C2orf80: variants seen among roughly 807,000 people sequenced by gnomAD.
C2orf80 encodes chromosome 2 open reading frame 80.
In C2orf80, 28 loss-of-function variants were observed where a neutral mutation model predicts 30.2. That is an observed-to-expected ratio of 0.93 (90% CI 0.69 to 1.27). The LOEUF (loss-of-function observed/expected upper bound fraction) is 1.27, where lower values mean the gene tolerates loss of function less well. Among genes scored for constraint, C2orf80 ranks in the 50% most tolerant of loss-of-function variants. The pLI, the probability that C2orf80 is intolerant of heterozygous loss-of-function variation, is 0.00. For synonymous variants in C2orf80, 80 were observed against 76.4 expected (o/e 1.05, Z -0.24); for missense variants, 220 against 231.0 (o/e 0.95, Z 0.31).
chr2:208,166,558 G>T (rs1461958513), intron 8 of C2orf80, among the ~76,000 whole-genome samples: 2 of 152,068 alleles, frequency 1.3e-5, no homozygotes, highest in African/African-American at 2.4e-5. Context: ...AATTTAAATT[G>T]TCCTCTCTCT....
intron 3 of C2orf80, among the ~76,000 whole-genome samples, chr2:208,183,524 A>G (rs1696625607): frequency 6.6e-6 from 1 of 152,168 alleles, no homozygotes; most frequent in Non-Finnish European, 1.5e-5. Context: ...TTCTGTGAGT[A>G]GAATGTCAGA....
At chr2:208,166,831 T>C (rs573993402) in intron 8 of C2orf80, among the ~76,000 whole-genome samples, 1 of 152,238 alleles carries the variant, frequency 6.6e-6, no homozygotes, top group Admixed American at 6.5e-5. Context: ...TTCTATTTTT[T>C]AGTAGAGATG....
chr2:208,173,340 C>G (rs1386486022), intron 6 of C2orf80, among the ~76,000 whole-genome samples: 2 of 152,000 alleles, frequency 1.3e-5, no homozygotes, highest in Admixed American at 1.3e-4. Flanking sequence ...TATAAAAACT[C>G]AAGGCTGGGT....
chr2:208,166,759 A>G (rs1229161041), intron 8 of C2orf80, among the ~76,000 whole-genome samples: 3 of 151,846 alleles, frequency 2.0e-5, no homozygotes, highest in East Asian at 3.9e-4. Flanking sequence ...GGTTCATGCC[A>G]TTCTCCTGCC....
chr2:208,175,995 C>T (rs1696280624), intron 6 of C2orf80, among the ~76,000 whole-genome samples: 1 of 152,096 alleles, frequency 6.6e-6, no homozygotes, highest in Non-Finnish European at 1.5e-5. Flanking sequence ...GGCTCTTAGA[C>T]TCTTGTATTG....
At chr2:208,178,664 A>G (rs1258759592) in intron 6 of C2orf80, among the ~76,000 whole-genome samples, 1 of 152,144 alleles carries the variant, frequency 6.6e-6, no homozygotes, top group East Asian at 1.9e-4. Context: ...CTGTAATCCC[A>G]GCATTAGGGG....
chr2:208,165,923 C>T, intron 8 of C2orf80, 108 bp from the exon 9 acceptor site: 2 of 680,698 alleles, frequency 2.9e-6, no homozygotes, highest in Non-Finnish European at 2.5e-6. Flanking sequence ...TACTAACTTA[C>T]TGACAAAGAT....
rs1310867857 is a variant in C2orf80 at position 208,165,813 on chromosome 2, G to A, written c.576C>T (p.Val192=). ...RFSDTQPKHK[V]T ...ATGGTACAATTCCAATTTTCTAAGT[G>A]ACCTGCAGAATAAAAGATGATTTTG... is the stretch of plus-strand genomic sequence containing the variant. The change falls in exon 9 of 9, where the codon GTC becomes GTT. Residue 192 remains valine, a splice_region_variant and synonymous_variant. Transcript: ENST00000341287. 18 of 1,608,646 alleles carry A rather than the reference G, an allele frequency of 1.1e-5. No homozygotes were observed. The highest frequency in any genetic ancestry group is 1.5e-5 in the Non-Finnish European group (18 of 1,177,236).
chr2:208,177,673 G>T (rs1020092208), intron 6 of C2orf80, among the ~76,000 whole-genome samples: 1 of 152,056 alleles, frequency 6.6e-6, no homozygotes, highest in Non-Finnish European at 1.5e-5. Context: ...TGTGAGAATG[G>T]GGACTATGTG....
chr2:208,169,142 A>G (rs1376697247), intron 8 of C2orf80, among the ~76,000 whole-genome samples: 1 of 152,162 alleles, frequency 6.6e-6, no homozygotes, highest in Non-Finnish European at 1.5e-5. Flanking sequence ...ATAAGATACC[A>G]ATGAGTAATC....
intron 6 of C2orf80, among the ~76,000 whole-genome samples, chr2:208,175,186 T>G (rs908898348): frequency 8.5e-6 from 1 of 117,940 alleles, no homozygotes; most frequent in Non-Finnish European, 1.7e-5. Context: ...CTCGGGAGGC[T>G]GAGGCGAGAG....
intron 6 of C2orf80, among the ~76,000 whole-genome samples, chr2:208,173,604 G>T (rs1379058828): frequency 7.1e-6 from 1 of 141,498 alleles, no homozygotes; most frequent in African/African-American, 2.6e-5. Flanking sequence ...CAGCCTGGGC[G>T]AGAGAGCGAG....
chr2:208,187,167 G>C, intron 1 of C2orf80, 106 bp from the exon 2 acceptor site: 1 of 573,856 alleles, frequency 1.7e-6, no homozygotes, highest in Non-Finnish European at 3.0e-6. Flanking sequence ...ACCTCATTCA[G>C]GCCTCTTACT....
At chr2:208,184,384 G>T (rs921348523) in intron 3 of C2orf80, among the ~76,000 whole-genome samples, 7 of 152,252 alleles carry the variant, frequency 4.6e-5, no homozygotes, top group Admixed American at 2.0e-4. Flanking sequence ...GAGAAGAAGA[G>T]GAGAGGGGAG....
At chr2:208,177,649 T>C (rs1422949832) in intron 6 of C2orf80, among the ~76,000 whole-genome samples, 1 of 152,108 alleles carries the variant, frequency 6.6e-6, no homozygotes, top group Non-Finnish European at 1.5e-5. Context: ...TTAGAGCTGG[T>C]TATTGTCACT....
intron 6 of C2orf80, among the ~76,000 whole-genome samples, chr2:208,177,010 TACA>T (rs1559340799): frequency 1.9e-5 from 2 of 105,864 alleles, no homozygotes; most frequent in African/African-American, 5.9e-5. Context: ...TATACATATA[TACA>T]GATACATATA....
At position 208,176,419 on chromosome 2, in the gene C2orf80, G is replaced by T. The variant is rs186451685; in HGVS notation, c.366+4326C>A. On this transcript the variant is annotated intron_variant, in intron 6 of 8. Coordinates refer to ENST00000341287, the MANE Select transcript of C2orf80 (RefSeq NM_001099334.3). ...TCGAACTCCTGACCTCAAGTGATCC[G>T]CCCGCCTCGGCCTCCCAAAGTGCTG... Among the ~76,000 whole-genome samples, 527 of 152,224 alleles carry T rather than the reference G, an allele frequency of 3.5e-3. 5 individuals are homozygous for T. Among genetic ancestry groups the T allele is most frequent in the African/African-American group, 0.012 (504 of 41,556 alleles).
chr2:208,186,380 G>A (rs1040225509), intron 2 of C2orf80, among the ~76,000 whole-genome samples: 7 of 152,044 alleles, frequency 4.6e-5, no homozygotes, highest in Admixed American at 2.0e-4. Flanking sequence ...CTTTTTATAT[G>A]GTTTGTGATC....
chr2:208,181,392 T>C (rs1299143695), intron 4 of C2orf80, 87 bp from the exon 5 acceptor site: 17 of 822,734 alleles, frequency 2.1e-5, no homozygotes, highest in Non-Finnish European at 3.4e-5. Flanking sequence ...CGATAAGTAA[T>C]CTGCAATGGC....
Sources: allele counts gnomAD v4.1 joint callset (sites outside exome capture counted in the v4.1 genomes callset), GRCh38; gene constraint gnomAD v4.1.1; transcripts MANE v1.5; gene names NCBI Gene and HGNC (gene_info 2026-07-23, HGNC 2026-07-21).